FGD4: variants seen among roughly 807,000 people sequenced by gnomAD.
The protein encoded by FGD4 is FYVE, RhoGEF and PH domain containing 4, also known as FYVE, RhoGEF and PH domain-containing protein 4.
In FGD4, 42 loss-of-function variants were observed where a neutral mutation model predicts 102.0. The observed-to-expected ratio is 0.41, with a 90% CI of 0.32 to 0.53. The LOEUF is 0.53. Among genes scored for constraint, FGD4 ranks in the 20% least tolerant of loss-of-function variants. The pLI, the probability that FGD4 is intolerant of heterozygous loss-of-function variation, is 0.21. For missense variants in FGD4, 902 were observed against 1,078.2 expected (o/e 0.84, Z 2.29); for synonymous variants, 380 against 375.7 (o/e 1.01, Z -0.13).
intron 1 of FGD4, among the ~76,000 whole-genome samples, chr12:32,536,191 C>T (rs1361385925): frequency 1.3e-5 from 2 of 151,774 alleles, no homozygotes; most frequent in Non-Finnish European, 2.9e-5. Flanking sequence ...TGATGAATGA[C>T]TCAATAGGAA....
At chr12:32,569,467 T>A (rs1348419481) in intron 2 of FGD4, among the ~76,000 whole-genome samples, 2 of 152,194 alleles carry the variant, frequency 1.3e-5, no homozygotes, top group Admixed American at 1.3e-4. Flanking sequence ...CAGCTGTCCC[T>A]GGCTGTCATT....
intron 1 of FGD4, among the ~76,000 whole-genome samples, chr12:32,408,162 C>T (rs1352027613): frequency 7.7e-6 from 1 of 129,972 alleles, no homozygotes; most frequent in Non-Finnish European, 1.6e-5. Flanking sequence ...TCATGTCCAG[C>T]CAATTTTTTT....
chr12:32,452,220 A>G (rs79214369), intron 1 of FGD4, among the ~76,000 whole-genome samples: 5,889 of 152,274 alleles, frequency 0.039, 179 homozygotes, highest in South Asian at 0.12. Context: ...GTGATTTGGG[A>G]AACAGTTGTA....
At chr12:32,474,500 G>A (rs1383571518) in intron 1 of FGD4, among the ~76,000 whole-genome samples, 2 of 152,172 alleles carry the variant, frequency 1.3e-5, no homozygotes, top group African/African-American at 4.8e-5. Context: ...AAGACCATGT[G>A]TTGTATGCTT....
intron 4 of FGD4, among the ~76,000 whole-genome samples, chr12:32,586,373 A>G (rs1947032378): frequency 6.6e-6 from 1 of 152,244 alleles, no homozygotes; most frequent in Non-Finnish European, 1.5e-5. Context: ...AGAATTGCTT[A>G]GATATTTGAT....
intron 1 of FGD4, among the ~76,000 whole-genome samples, chr12:32,478,074 A>C (rs186320685): frequency 1.1e-4 from 17 of 152,356 alleles, no homozygotes; most frequent in Admixed American, 7.2e-4. Flanking sequence ...CTGTGACAAC[A>C]GTGATTCAAC....
intron 1 of FGD4, among the ~76,000 whole-genome samples, chr12:32,529,707 G>T (rs886294518): frequency 6.6e-6 from 1 of 151,832 alleles, no homozygotes; most frequent in African/African-American, 2.4e-5. Flanking sequence ...GCCAGACATG[G>T]TGGCCCATAC....
chr12:32,477,063 G>A (rs1473532775), intron 1 of FGD4, among the ~76,000 whole-genome samples: 3 of 152,176 alleles, frequency 2.0e-5, no homozygotes, highest in African/African-American at 4.8e-5. Context: ...CAAGGCAGGC[G>A]GATCACCTGA....
chr12:32,450,376 AT>A (rs145027623), intron 1 of FGD4, among the ~76,000 whole-genome samples: 4 of 151,852 alleles, frequency 2.6e-5, no homozygotes, highest in Non-Finnish European at 2.9e-5. Context: ...CAGGCCACCT[AT>A]TTTTTTTATC....
rs186822546 is a variant in FGD4, at chr12:32,484,559, T to C, written c.167-79578T>C. Among the ~76,000 whole-genome samples, 524 of 152,338 alleles carry C rather than the reference T, an allele frequency of 3.4e-3. 1 individual carries two copies. Among genetic ancestry groups the C allele is most frequent in the Middle Eastern group, 0.01 (3 of 294 alleles). ...TTTAGGTGTTTTAAAACATCTGTTA[T>C]GTGATAAATTAACTAAAATACCCCT... On this transcript the variant is annotated intron_variant, in intron 1 of 16. Coordinates refer to ENST00000534526, the MANE Select transcript of FGD4 (RefSeq NM_001370298.3).
intron 1 of FGD4, among the ~76,000 whole-genome samples, chr12:32,528,887 T>C (rs766238039): frequency 1.3e-5 from 2 of 152,206 alleles, no homozygotes; most frequent in Non-Finnish European, 2.9e-5. Context: ...CCAGCTGTAC[T>C]CTGTGTGTGT....
At chr12:32,515,951 G>C (rs1255758201) in intron 1 of FGD4, among the ~76,000 whole-genome samples, 2 of 152,176 alleles carry the variant, frequency 1.3e-5, no homozygotes, top group African/African-American at 2.4e-5. Flanking sequence ...CAACAAACGT[G>C]ACAATCGTAT....
At chr12:32,594,751 G>C (rs1010725579) in intron 4 of FGD4, among the ~76,000 whole-genome samples, 2 of 152,098 alleles carry the variant, frequency 1.3e-5, no homozygotes, top group Non-Finnish European at 1.5e-5. Flanking sequence ...AGCAAAATAG[G>C]CCTGGCATAT....
At chr12:32,612,475 T>G (rs1949203870) in intron 10 of FGD4, among the ~76,000 whole-genome samples, 1 of 152,160 alleles carries the variant, frequency 6.6e-6, no homozygotes, top group African/African-American at 2.4e-5. Context: ...CACAAAGGTG[T>G]CCAGCTGACA....
At chr12:32,612,292 C>T (rs114521528) in intron 10 of FGD4, among the ~76,000 whole-genome samples, 2,911 of 152,310 alleles carry the variant, frequency 0.019, 82 homozygotes, top group African/African-American at 0.067. Flanking sequence ...CCTGGCTGTG[C>T]GCGTGACCCG....
chr12:32,621,889 C>CT (rs11362941), intron 11 of FGD4, among the ~76,000 whole-genome samples: 365 of 144,380 alleles, frequency 2.5e-3, no homozygotes, highest in African/African-American at 6.4e-3. Flanking sequence ...ACAGGGAACA[C>CT]TTTTTTTTTT....
At chr12:32,518,205 G>C (rs991644192) in intron 1 of FGD4, among the ~76,000 whole-genome samples, 1 of 152,152 alleles carries the variant, frequency 6.6e-6, no homozygotes, top group South Asian at 2.1e-4. Context: ...TTCTATGAAG[G>C]GTGGTGTGCC....
chr12:32,460,063 AG>A, intron 1 of FGD4, among the ~76,000 whole-genome samples: 1 of 152,306 alleles, frequency 6.6e-6, no homozygotes, highest in South Asian at 2.1e-4. Flanking sequence ...TAAAATCAGA[AG>A]TATCACAGAG....
Position 32,582,057 on chromosome 12 carries a change from CA to C in FGD4, c.606del (p.Lys202AsnfsTer29), listed in dbSNP as rs1378859221. On this transcript the variant is annotated frameshift_variant, in exon 4 of 17. Coordinates refer to ENST00000534526, the MANE Select transcript of FGD4 (RefSeq NM_001370298.3). LOFTEE classifies it high-confidence loss of function. ...GRHGLTTTPQ[Q>X]KLLSQHLPQR... ...GCATGGATTGACAACCACACCTCAACAAAAACTCCTCTCCCAGCACTTGCCA... is the reference window on the plus strand; with the variant it reads ...GCATGGATTGACAACCACACCTCAACAAAACTCCTCTCCCAGCACTTGCCA... 6.2e-7 allele frequency: 1 copy of C among 1,614,186 alleles called. No individual in the cohort carries two copies.
Sources: gnomAD v4.1 joint callset for allele counts (sites outside exome capture counted in the v4.1 genomes callset) on GRCh38, gnomAD v4.1.1 for gene constraint, MANE v1.5 for transcripts, NCBI Gene and HGNC (gene_info 2026-07-23, HGNC 2026-07-21) for gene names.